GREB1L: variants seen among roughly 807,000 people sequenced by gnomAD.
GREB1L encodes the protein GREB1 like retinoic acid receptor coactivator.
Under a neutral mutation model 200.8 loss-of-function variants are expected in GREB1L, and 17 were observed. That is an observed-to-expected ratio of 0.08 (90% confidence interval 0.06 to 0.13). The LOEUF is 0.13. Ranked by LOEUF, GREB1L falls within the 10% of genes least tolerant of loss-of-function variation. The probability of loss-of-function intolerance (pLI) is 1.00; values close to 1 mark genes in which losing one functional copy is unlikely to be tolerated. For synonymous variants in GREB1L, 789 were observed against 893.0 expected (o/e 0.88, Z 2.08); for missense variants, 1,657 against 2,367.7 (o/e 0.70, Z 6.23).
intron 4 of GREB1L, chr18:21,387,732 T>C (rs2040604474): frequency 1.3e-5 from 2 of 152,232 alleles, no homozygotes; most frequent in South Asian, 4.1e-4. Flanking sequence ...TATTAGACTA[T>C]TAATCAGACA....
intron 7 of GREB1L, among the ~76,000 whole-genome samples, chr18:21,415,852 A>G (rs2031578958): frequency 6.6e-6 from 1 of 152,234 alleles, no homozygotes. Context: ...ATTGTTTCCA[A>G]ATAATTTAAC....
At chr18:21,356,576 A>G (rs1258455070) in intron 1 of GREB1L, among the ~76,000 whole-genome samples, 1 of 152,100 alleles carries the variant, frequency 6.6e-6, no homozygotes, top group Admixed American at 6.6e-5. Context: ...ACATCTGTTG[A>G]TGGACACTTA....
intron 1 of GREB1L, among the ~76,000 whole-genome samples, chr18:21,318,434 TAATTC>T (rs2038905406): frequency 6.6e-6 from 1 of 152,186 alleles, no homozygotes. Context: ...TATCCTTTCT[TAATTC>T]TTTTCATTAT....
At chr18:21,482,389 C>A (rs1331005348) in intron 17 of GREB1L, among the ~76,000 whole-genome samples, 5 of 152,224 alleles carry the variant, frequency 3.3e-5, no homozygotes, top group Admixed American at 3.3e-4. Context: ...TCCTGAGTAG[C>A]TGGGATTACA....
intron 2 of GREB1L, among the ~76,000 whole-genome samples, chr18:21,368,086 G>A (rs1279397992): frequency 1.3e-5 from 2 of 152,164 alleles, no homozygotes; most frequent in South Asian, 2.1e-4. Context: ...AGGGAAGAAA[G>A]ATAAAATGAT....
At position 21,515,543 on chromosome 18, in the gene GREB1L, G is replaced by A. The variant is rs1384549289; in HGVS notation, c.5028G>A (p.Leu1676=). Residue 1676 remains leucine (L), a synonymous_variant, in exon 29 of 33, where the codon CTG becomes CTA. Coordinates refer to ENST00000424526, the MANE Select transcript of GREB1L (RefSeq NM_001142966.3). The part of the protein sequence containing the change: ...ILGIQKWSSK[L]TSQSLKAPFS... ...GCATACAGAAATGGAGCAGCAAGCT[G>A]ACTTCTCAGAGCCTAAAGGCCCCAT... is the stretch of plus-strand genomic sequence containing the variant. The A allele has an allele frequency of 3.0e-5, 46 of 1,551,566 alleles. No homozygotes were observed. The highest frequency in any genetic ancestry group is 3.9e-5 in the Non-Finnish European group (45 of 1,146,988).
chr18:21,274,467 G>A lies in GREB1L; in HGVS notation c.-120+32074G>A, dbSNP rs560297682. Among the ~76,000 whole-genome samples, 5 of 152,158 alleles carry A rather than the reference G, an allele frequency of 3.3e-5. No homozygotes were observed. In the East Asian group the frequency reaches 5.8e-4, roughly 18 times the overall value. ...ACTCTGTTGCCCAGGCTGGAGTCCCGTGGCATGATAACGGCTCACTGCAGT... is the reference window on the plus strand; with the variant it reads ...ACTCTGTTGCCCAGGCTGGAGTCCCATGGCATGATAACGGCTCACTGCAGT... On this transcript the variant is annotated intron_variant, in intron 1 of 32. Coordinates refer to ENST00000424526, the MANE Select transcript of GREB1L (RefSeq NM_001142966.3).
At chr18:21,342,191 G>A (rs1442597940) in intron 1 of GREB1L, among the ~76,000 whole-genome samples, 2 of 152,076 alleles carry the variant, frequency 1.3e-5, no homozygotes, top group African/African-American at 2.4e-5. Context: ...ATCATGGACT[G>A]AATGTTGAAA....
Position 21,500,578 on chromosome 18 carries a change from C to G in GREB1L, c.4008C>G (p.Ile1336Met). ...GCTCCTATTTACAGTTCCTCAGGAT[C>G]CTCTTCCGCATGCTCATCAGGCTCC... ...KTGSYLQFLR[I>M]LFRMLIRLLE... Residue 1336 changes from isoleucine (I) to methionine (M), a missense_variant, in exon 23 of 33, where the codon ATC becomes ATG. Ile to Met is a conservative substitution (Grantham distance 10). Coordinates refer to ENST00000424526, the MANE Select transcript of GREB1L (RefSeq NM_001142966.3). 6.4e-7 allele frequency: 1 copy of G among 1,551,174 alleles called. No homozygotes were observed. Among genetic ancestry groups the G allele is most frequent in the Non-Finnish European group, 8.7e-7 (1 of 1,146,834 alleles).
intron 1 of GREB1L, among the ~76,000 whole-genome samples, chr18:21,247,579 CA>C (rs1184169408): frequency 2.0e-5 from 3 of 152,124 alleles, no homozygotes; most frequent in South Asian, 2.1e-4. Context: ...ACGGCTCTTC[CA>C]ACTTTTTGTG....
intron 1 of GREB1L, among the ~76,000 whole-genome samples, chr18:21,244,396 T>A (rs2037561784): frequency 6.6e-6 from 1 of 152,058 alleles, no homozygotes; most frequent in Non-Finnish European, 1.5e-5. Context: ...AAAGGATAAA[T>A]ACGAAGGCCG....
intron 6 of GREB1L, among the ~76,000 whole-genome samples, chr18:21,403,436 G>A (rs2041398768): frequency 6.6e-6 from 1 of 152,172 alleles, no homozygotes; most frequent in Non-Finnish European, 1.5e-5. Flanking sequence ...AATTAAGGTT[G>A]AGAAGAGAAT....
intron 1 of GREB1L, among the ~76,000 whole-genome samples, chr18:21,358,678 A>G (rs1163588356): frequency 6.6e-6 from 1 of 152,106 alleles, no homozygotes; most frequent in Non-Finnish European, 1.5e-5. Context: ...AATATAATGG[A>G]CTTTGGGGGA....
chr18:21,284,259 C>G (rs1386306468), intron 1 of GREB1L, among the ~76,000 whole-genome samples: 2 of 152,198 alleles, frequency 1.3e-5, no homozygotes, highest in East Asian at 3.8e-4. Context: ...AGTTGCACAA[C>G]CATGATCACG....
intron 23 of GREB1L, among the ~76,000 whole-genome samples, chr18:21,501,664 A>C (rs1387869108): frequency 2.0e-5 from 3 of 152,212 alleles, no homozygotes; most frequent in African/African-American, 7.2e-5. Context: ...TGTAGTATTC[A>C]ACTGCTTCAG....
intron 25 of GREB1L, among the ~76,000 whole-genome samples, chr18:21,507,555 T>C (rs2146017470): frequency 6.6e-6 from 1 of 152,302 alleles, no homozygotes; most frequent in African/African-American, 2.4e-5. Flanking sequence ...ACTTTAAATG[T>C]AGGTTAGATT....
intron 5 of GREB1L, among the ~76,000 whole-genome samples, chr18:21,398,366 C>G (rs2041175012): frequency 6.6e-6 from 1 of 152,196 alleles, no homozygotes; most frequent in African/African-American, 2.4e-5. Context: ...AAAGCACCCA[C>G]CCAGCACAGT....
At position 21,486,694 on chromosome 18, in the gene GREB1L, T is replaced by C. The variant is rs1386389393; in HGVS notation, c.2690+941T>C. ...TAAACTCTGAAAGAGTTTTTTTCCC[T>C]CTGTGACCTTGAATCATAGATTCAG... On this transcript the variant is annotated intron_variant, in intron 18 of 32. Transcript: ENST00000424526. 2.4e-4 allele frequency among the ~76,000 whole-genome samples: 37 copies of C among 152,098 alleles called. 1 individual carries two copies. Among genetic ancestry groups the C allele is most frequent in the Non-Finnish European group, 3.8e-4 (26 of 68,026 alleles).
intron 29 of GREB1L, 37 bp from the exon 30 acceptor site, chr18:21,516,576 C>T: frequency 6.5e-7 from 1 of 1,538,612 alleles, no homozygotes; most frequent in Non-Finnish European, 8.8e-7. Flanking sequence ...TTGAGATATG[C>T]CAGCGGAAGA....
Sources: allele counts gnomAD v4.1 joint callset (sites outside exome capture counted in the v4.1 genomes callset), GRCh38; gene constraint gnomAD v4.1.1; transcripts MANE v1.5; gene names NCBI Gene and HGNC (gene_info 2026-07-23, HGNC 2026-07-21).